Variants in ADH7 observed in about 807,000 individuals in gnomAD.
ADH7 encodes all-trans-retinol dehydrogenase [NAD(+)] ADH7.
Under a neutral mutation model 34.4 loss-of-function variants are expected in ADH7, and 41 were observed. The ratio of observed to expected loss-of-function variants is 1.19; its 90% confidence interval spans 0.93 to 1.55. The LOEUF (loss-of-function observed/expected upper bound fraction) is 1.55, where lower values mean the gene tolerates loss of function less well. Among genes scored for constraint, ADH7 ranks in the 40% most tolerant of loss-of-function variants. The pLI is 0.00. For synonymous variants in ADH7, 180 were observed against 160.9 expected (o/e 1.12, Z -0.90); for missense variants, 540 against 461.2 (o/e 1.17, Z -1.56).
At chr4:99,425,675 T>C (rs1182002051) in intron 5 of ADH7, among the ~76,000 whole-genome samples, 2 of 152,006 alleles carry the variant, frequency 1.3e-5, no homozygotes, top group Non-Finnish European at 2.9e-5. Flanking sequence ...AACAAGGATA[T>C]CCAGGAATTG....
intron 5 of ADH7, among the ~76,000 whole-genome samples, chr4:99,423,409 G>A (rs1304298648): frequency 1.3e-5 from 2 of 151,504 alleles, no homozygotes; most frequent in African/African-American, 2.4e-5. Context: ...GGGATGGCTG[G>A]GTCAAATGGT....
intron 1 of ADH7, among the ~76,000 whole-genome samples, chr4:99,430,865 T>C (rs2110140855): frequency 6.6e-6 from 1 of 152,306 alleles, no homozygotes; most frequent in African/African-American, 2.4e-5. Flanking sequence ...TGGCGCAATC[T>C]GGGCTCACTG....
chr4:99,431,609 TAAAC>T (rs1166115177), intron 1 of ADH7, among the ~76,000 whole-genome samples: 1 of 151,958 alleles, frequency 6.6e-6, no homozygotes, highest in African/African-American at 2.4e-5. Flanking sequence ...ATAAGGAACT[TAAAC>T]AAAATAATAA....
chr4:99,429,798 T>C (rs561437403), intron 1 of ADH7, among the ~76,000 whole-genome samples, 165 bp from the exon 2 acceptor site: 5 of 152,312 alleles, frequency 3.3e-5, no homozygotes, highest in Admixed American at 3.3e-4. Context: ...ATCTTGTGTG[T>C]GCCTTTGCTT....
In ADH7 at chr4:99,428,649, A is replaced by G. The variant is rs767812276; in HGVS notation, c.121-19T>C. ...CCAAAATCTGTGTTCAAAGACAAAA[A>G]CATTGCACCAATCAACAAACTGATC... is the stretch of plus-strand genomic sequence containing the variant. On this transcript the variant is annotated intron_variant, in intron 2 of 8. Transcript: ENST00000437033. 9.3e-6 allele frequency: 15 copies of G among 1,605,772 alleles called. No individual in the cohort carries two copies. In the South Asian group the frequency reaches 1.6e-4, roughly 17 times the overall value.
Position 99,419,032 on chromosome 4 carries a change from C to G in ADH7, c.915G>C (p.Pro305=). 4 of 1,613,820 alleles carry G rather than the reference C, an allele frequency of 2.5e-6. No individual in the cohort carries two copies. Among genetic ancestry groups the G allele is most frequent in the Non-Finnish European group, 3.4e-6 (4 of 1,179,846 alleles). ...PPSAKMLTYD[P]MLLFTGRTWK... ...ATGTGCGTCCAGTGAAGAGCAACATCGGGTCATAGGTGAGCATCTTGGCTG... is the reference window on the plus strand; with the variant it reads ...ATGTGCGTCCAGTGAAGAGCAACATGGGGTCATAGGTGAGCATCTTGGCTG... The change falls in exon 7 of 9, where the codon CCG becomes CCC. Residue 305 remains proline, a synonymous_variant. Transcript: ENST00000437033.
At chr4:99,431,043 C>T (rs1336554445) in intron 1 of ADH7, among the ~76,000 whole-genome samples, 3 of 152,116 alleles carry the variant, frequency 2.0e-5, no homozygotes, top group Admixed American at 2.0e-4. Context: ...TGTTATCTGC[C>T]CTCCTCGGCC....
intron 1 of ADH7, among the ~76,000 whole-genome samples, chr4:99,434,560 G>A (rs1381013625): frequency 6.6e-6 from 1 of 151,860 alleles, no homozygotes; most frequent in African/African-American, 2.4e-5. Context: ...GAAATATACT[G>A]ACCTATTTTC....
chr4:99,417,789 C>T (rs916185482), intron 7 of ADH7, among the ~76,000 whole-genome samples: 1 of 152,110 alleles, frequency 6.6e-6, no homozygotes, highest in African/African-American at 2.4e-5. Flanking sequence ...CTCTAATATT[C>T]CTGAATAATC....
intron 7 of ADH7, among the ~76,000 whole-genome samples, chr4:99,417,066 C>T (rs1721536960): frequency 6.6e-6 from 1 of 152,148 alleles, no homozygotes; most frequent in African/African-American, 2.4e-5. Context: ...TCCAAGCCAG[C>T]ATCCTTTCCT....
At chr4:99,422,838 A>T (rs1288030423) in intron 5 of ADH7, among the ~76,000 whole-genome samples, 1 of 145,158 alleles carries the variant, frequency 6.9e-6, no homozygotes. Flanking sequence ...GACCTATTTT[A>T]TTTTTTTTTC....
intron 2 of ADH7, 35 bp downstream of exon 2, chr4:99,429,497 G>C (rs758075740): frequency 4.0e-6 from 6 of 1,495,592 alleles, no homozygotes; most frequent in Middle Eastern, 1.7e-4. Context: ...GTTTGATAAC[G>C]CTTTTGGCTT....
Position 99,419,046 on chromosome 4 carries a change from G to A in ADH7, c.901C>T (p.Leu301Phe), listed in dbSNP as rs1422766411. 1 of 1,613,884 alleles carries A rather than the reference G, an allele frequency of 6.2e-7. No individual in the cohort carries two copies. The highest frequency in any genetic ancestry group is 8.5e-7 in the Non-Finnish European group (1 of 1,179,868). ...VVGVPPSAKM[L>F]TYDPMLLFTG... ...AAGAGCAACATCGGGTCATAGGTGA[G>A]CATCTTGGCTGATGGAGGAACTCCT... is the stretch of plus-strand genomic sequence containing the variant. Residue 301 changes from leucine (L) to phenylalanine (F), a missense_variant, in exon 7 of 9, where the codon CTC becomes TTC. Coordinates refer to ENST00000437033, the MANE Select transcript of ADH7 (RefSeq NM_000673.7).
At chr4:99,421,423 G>A (rs1721660477) in intron 5 of ADH7, among the ~76,000 whole-genome samples, 1 of 152,178 alleles carries the variant, frequency 6.6e-6, no homozygotes, top group Admixed American at 6.5e-5. Flanking sequence ...TTTAATAAAT[G>A]ATGCTAGGAA....
intron 5 of ADH7, among the ~76,000 whole-genome samples, chr4:99,421,375 A>G (rs1390231305): frequency 6.6e-6 from 1 of 152,198 alleles, no homozygotes; most frequent in Admixed American, 6.5e-5. Flanking sequence ...CTCTTCAACA[A>G]ATCTGACAAA....
chr4:99,428,358 T>A, intron 3 of ADH7, 134 bp downstream of exon 3: 1 of 1,307,482 alleles, frequency 7.6e-7, no homozygotes, highest in Non-Finnish European at 1.1e-6. Flanking sequence ...CTCAGTAAAA[T>A]CCATTCTTGT....
intron 7 of ADH7, among the ~76,000 whole-genome samples, chr4:99,417,585 A>G (rs747244218): frequency 4.6e-5 from 7 of 152,098 alleles, no homozygotes; most frequent in Non-Finnish European, 8.8e-5. Flanking sequence ...ACCTTATGGT[A>G]TATTCTGCAT....
intron 7 of ADH7, among the ~76,000 whole-genome samples, chr4:99,416,180 A>T (rs1477753894): frequency 2.0e-5 from 3 of 152,010 alleles, no homozygotes; most frequent in Non-Finnish European, 4.4e-5. Context: ...GGTTAAAAAA[A>T]CTCTTCTGAT....
chr4:99,425,407 A>C (rs1721776896), intron 5 of ADH7, among the ~76,000 whole-genome samples: 1 of 152,088 alleles, frequency 6.6e-6, no homozygotes, highest in Non-Finnish European at 1.5e-5. Flanking sequence ...AGGGGTTGCA[A>C]TCCTAGTCTC....
Sources: allele counts gnomAD v4.1 joint callset (sites outside exome capture counted in the v4.1 genomes callset), GRCh38; gene constraint gnomAD v4.1.1; transcripts MANE v1.5; gene names NCBI Gene and HGNC (gene_info 2026-07-23, HGNC 2026-07-21).